Variants in TUSC3 observed in about 807,000 individuals in gnomAD.
The protein encoded by TUSC3 is dolichyl-diphosphooligosaccharide--protein glycosyltransferase subunit TUSC3.
TUSC3 carries 45 observed loss-of-function variants against 44.8 expected under a neutral mutation model. That is an observed-to-expected ratio of 1.00 (90% confidence interval 0.79 to 1.29). The LOEUF is 1.29. TUSC3 is among the 50% of genes most tolerant of loss of function. The pLI, the probability that TUSC3 is intolerant of heterozygous loss-of-function variation, is 0.00. For missense variants in TUSC3, 519 were observed against 437.9 expected (o/e 1.19, Z -1.65); for synonymous variants, 212 against 152.9 (o/e 1.39, Z -2.85).
intron 1 of TUSC3, among the ~76,000 whole-genome samples, chr8:15,466,378 A>G (rs1161563163): frequency 6.6e-6 from 1 of 152,178 alleles, no homozygotes; most frequent in Non-Finnish European, 1.5e-5. Context: ...ATGACTTTCT[A>G]TACCTTAGAA....
At chr8:15,723,911 A>G (rs934197406) in intron 6 of TUSC3, among the ~76,000 whole-genome samples, 4 of 152,140 alleles carry the variant, frequency 2.6e-5, no homozygotes, top group Non-Finnish European at 4.4e-5. Context: ...TTGAAGTGCT[A>G]TCTTATTCAC....
intron 3 of TUSC3, chr8:15,651,049 A>G (rs1806881735): frequency 4.1e-6 from 2 of 490,810 alleles, no homozygotes; most frequent in African/African-American, 3.9e-5. Context: ...ATAGGTTAGT[A>G]AATACAATAA....
chr8:15,847,562 A>T, the TUSC3 span, among the ~76,000 whole-genome samples: 1 of 152,056 alleles, frequency 6.6e-6, no homozygotes, highest in Non-Finnish European at 1.5e-5. Flanking sequence ...CCCCCTCTCA[A>T]ATGGCAGGCT....
At chr8:15,786,450 C>G in the TUSC3 span, among the ~76,000 whole-genome samples, 1 of 152,072 alleles carries the variant, frequency 6.6e-6, no homozygotes, top group African/African-American at 2.4e-5. Context: ...AGAAAGTACT[C>G]AAAGGACAGT....
At chr8:15,634,256 C>T (rs551376985) in intron 2 of TUSC3, among the ~76,000 whole-genome samples, 2 of 152,278 alleles carry the variant, frequency 1.3e-5, no homozygotes, top group South Asian at 4.1e-4. Context: ...CCCAGGTTGG[C>T]AGTGCCTTCA....
At chr8:15,580,876 T>A (rs1228009823) in intron 1 of TUSC3, among the ~76,000 whole-genome samples, 2 of 142,374 alleles carry the variant, frequency 1.4e-5, no homozygotes, top group African/African-American at 5.5e-5. Context: ...CCTTGCTAGA[T>A]TGGGGAAGTT....
chr8:15,798,697 C>A, the TUSC3 span, among the ~76,000 whole-genome samples: 1 of 152,064 alleles, frequency 6.6e-6, no homozygotes, highest in Admixed American at 6.5e-5. Context: ...AACTCATCAG[C>A]AGTCACACTG....
intron 2 of TUSC3, among the ~76,000 whole-genome samples, chr8:15,512,189 C>G (rs542310477): frequency 1.3e-5 from 2 of 152,086 alleles, no homozygotes; most frequent in Non-Finnish European, 2.9e-5. Flanking sequence ...AACAGGAGAG[C>G]GATACTCTAG....
At position 15,540,487 on chromosome 8, in the gene TUSC3, C is replaced by A. The variant is rs765350599; in HGVS notation, c.57C>A (p.Tyr19Ter). ...GGCAAGCGGGGCGGCGGCTGCGGTA[C>A]CTGCCCACCGGGAGCTTTCCCTTCC... ...RRRQAGRRLRYLPTGSFPFLL... is the reference protein window; with the variant it reads ...RRRQAGRRLR Residue 19 changes from tyrosine (Y) to a stop codon, truncating the protein, a stop_gained, in exon 1 of 11, where the codon TAC becomes TAA. Transcript: ENST00000503731. LOFTEE classifies it high-confidence loss of function. 6.2e-7 allele frequency: 1 copy of A among 1,608,154 alleles called. No homozygotes were observed. The highest frequency in any genetic ancestry group is 1.7e-5 in the Admixed American group (1 of 59,682).
At chr8:15,543,549 T>C (rs1206911887) in intron 1 of TUSC3, among the ~76,000 whole-genome samples, 1 of 152,128 alleles carries the variant, frequency 6.6e-6, no homozygotes, top group Admixed American at 6.5e-5. Flanking sequence ...ATCTCAGGTA[T>C]TATGTATACA....
intron 1 of TUSC3, among the ~76,000 whole-genome samples, chr8:15,613,033 C>T (rs930351320): frequency 5.4e-5 from 8 of 148,754 alleles, no homozygotes; most frequent in Admixed American, 4.0e-4. Flanking sequence ...CTACAGCCAT[C>T]GCATATCAAT....
At chr8:15,827,740 G>C in the TUSC3 span, among the ~76,000 whole-genome samples, 3 of 152,080 alleles carry the variant, frequency 2.0e-5, no homozygotes, top group East Asian at 5.8e-4. Flanking sequence ...CCCAGAAAAA[G>C]CCATACCCTG....
chr8:15,698,271 T>C (rs1178255110), intron 6 of TUSC3, among the ~76,000 whole-genome samples: 1 of 152,190 alleles, frequency 6.6e-6, no homozygotes, highest in African/African-American at 2.4e-5. Context: ...ACATTTTATT[T>C]CTGCCAAGAA....
At chr8:15,775,687 TGTAC>T in the TUSC3 span, among the ~76,000 whole-genome samples, 41 of 59,196 alleles carry the variant, frequency 6.9e-4, no homozygotes, top group East Asian at 7.8e-3. Context: ...TAAATACATA[TGTAC>T]ACACACACAT....
chr8:15,638,644 GCCT>G (rs1806209365), intron 2 of TUSC3, among the ~76,000 whole-genome samples: 1 of 149,070 alleles, frequency 6.7e-6, no homozygotes, highest in African/African-American at 2.5e-5. Context: ...CCCTGCTGCA[GCCT>G]CCTTAGTAGC....
chr8:15,846,980 A>C, the TUSC3 span, among the ~76,000 whole-genome samples: 2 of 152,076 alleles, frequency 1.3e-5, no homozygotes, highest in East Asian at 3.9e-4. Context: ...CCTAACTCTC[A>C]GACTCACAAG....
chr8:15,459,957 T>C (rs938512291), intron 1 of TUSC3, among the ~76,000 whole-genome samples: 1 of 152,114 alleles, frequency 6.6e-6, no homozygotes, highest in African/African-American at 2.4e-5. Context: ...TTTGGGTTGG[T>C]TCCAGAATTT....
chr8:15,677,501 A>G (rs949333657), intron 6 of TUSC3, among the ~76,000 whole-genome samples: 2 of 152,186 alleles, frequency 1.3e-5, no homozygotes, highest in African/African-American at 4.8e-5. Flanking sequence ...GACTCTTACC[A>G]GGTCTGTCTT....
intron 1 of TUSC3, among the ~76,000 whole-genome samples, chr8:15,561,307 C>G (rs1276283905): frequency 1.4e-5 from 2 of 148,086 alleles, no homozygotes; most frequent in Non-Finnish European, 1.5e-5. Flanking sequence ...CCTCCCAGTT[C>G]GGCTGCTAGG....
Sources: allele counts gnomAD v4.1 joint callset (sites outside exome capture counted in the v4.1 genomes callset), GRCh38; gene constraint gnomAD v4.1.1; transcripts MANE v1.5; gene names NCBI Gene and HGNC (gene_info 2026-07-23, HGNC 2026-07-21).